CD80: variants seen among roughly 807,000 people sequenced by gnomAD.
CD80 encodes the protein CD80 molecule, also known as T-lymphocyte activation antigen CD80.
CD80 carries 13 observed loss-of-function variants against 27.1 expected under a neutral mutation model. The ratio of observed to expected loss-of-function variants is 0.48; its 90% CI spans 0.31 to 0.76. The LOEUF (loss-of-function observed/expected upper bound fraction) is 0.76, where lower values mean the gene tolerates loss of function less well. Among genes scored for constraint, CD80 ranks in the 30% least tolerant of loss-of-function variants. The probability of loss-of-function intolerance (pLI) is 0.04; values close to 1 mark genes in which losing one functional copy is unlikely to be tolerated. For synonymous variants in CD80, 125 were observed against 125.5 expected, an observed-to-expected ratio of 1.00 and a Z score of 0.03; for missense variants, 277 against 347.9, an observed-to-expected ratio of 0.80 and a Z score of 1.62.
In CD80 at chr3:119,542,085, A is replaced by G. The variant is rs978246219; in HGVS notation, c.418+2465T>C. The stretch of plus-strand genomic sequence containing the variant: ...CCCCACCCCCCACCCCAGGAAACAC[A>G]TTTTCATTTTAACAGGGATCTTTTA... On this transcript the variant is annotated intron_variant, in intron 3 of 6. Transcript: ENST00000264246. Among the ~76,000 whole-genome samples, 4 of 113,210 alleles carry G rather than the reference A, an allele frequency of 3.5e-5. No individual in the cohort carries two copies. In the Admixed American group the frequency reaches 4.9e-4, roughly 14 times the overall value. The allele number at this position is 113,210 out of a possible 152,430, so 74.3% of individuals were successfully genotyped here.
intron 2 of CD80, among the ~76,000 whole-genome samples, chr3:119,554,985 A>G (rs1362179429): frequency 6.6e-6 from 1 of 152,228 alleles, no homozygotes; most frequent in Non-Finnish European, 1.5e-5. Context: ...TTACACCTTT[A>G]CTACTGAAAC....
chr3:119,553,474 A>G (rs1355518089), intron 2 of CD80, among the ~76,000 whole-genome samples: 1 of 152,094 alleles, frequency 6.6e-6, no homozygotes, highest in African/African-American at 2.4e-5. Context: ...ATTTTATGTC[A>G]TTGCAAATAA....
chr3:119,553,564 G>A (rs966905458), intron 2 of CD80, among the ~76,000 whole-genome samples: 6 of 152,218 alleles, frequency 3.9e-5, no homozygotes, highest in African/African-American at 1.4e-4. Context: ...GAGGCCTGGA[G>A]GATGCAGTGG....
In CD80 at chr3:119,557,715, C is replaced by T. The variant is rs267599556; in HGVS notation, c.14G>A (p.Arg5Gln). The T allele has an allele frequency of 3.1e-5, 50 of 1,612,084 alleles. No individual in the cohort carries two copies. Among genetic ancestry groups the T allele is most frequent in the South Asian group, 9.9e-5 (9 of 90,732 alleles). MGHT[R>Q]RQGTSPSKCP... ...CTTGGATGGTGATGTTCCCTGCCTCCGTGTGTGGCCCATGGCTTCAGATGC... is the reference window on the plus strand; with the variant it reads ...CTTGGATGGTGATGTTCCCTGCCTCTGTGTGTGGCCCATGGCTTCAGATGC... The change falls in exon 2 of 7, where the codon CGG (arginine) becomes CAG (glutamine). Residue 5 changes from arginine to glutamine, a missense_variant. Coordinates refer to ENST00000264246, the MANE Select transcript of CD80 (RefSeq NM_005191.4).
intron 3 of CD80, among the ~76,000 whole-genome samples, chr3:119,542,488 A>T (rs1057449456): frequency 6.6e-6 from 1 of 152,178 alleles, no homozygotes; most frequent in Non-Finnish European, 1.5e-5. Flanking sequence ...GGGGAAAAAG[A>T]AATATGTTCA....
chr3:119,556,281 A>G (rs1340521495), intron 2 of CD80, among the ~76,000 whole-genome samples: 2 of 151,844 alleles, frequency 1.3e-5, no homozygotes, highest in Non-Finnish European at 2.9e-5. Context: ...TCCTTGTACA[A>G]TTTCTAAAGT....
chr3:119,555,303 A>G (rs1319067712), intron 2 of CD80, among the ~76,000 whole-genome samples: 1 of 152,174 alleles, frequency 6.6e-6, no homozygotes, highest in Non-Finnish European at 1.5e-5. Flanking sequence ...CACTCCTGGT[A>G]TTGCATATTC....
intron 2 of CD80, among the ~76,000 whole-genome samples, chr3:119,548,273 C>G (rs117351132): frequency 6.6e-6 from 1 of 152,098 alleles, no homozygotes; most frequent in African/African-American, 2.4e-5. Context: ...TGAGCCACCA[C>G]GCCTAGCATG....
chr3:119,545,893 T>C (rs1024960928), intron 2 of CD80, among the ~76,000 whole-genome samples: 4 of 152,206 alleles, frequency 2.6e-5, no homozygotes, highest in African/African-American at 7.2e-5. Context: ...TTTGGGGTCA[T>C]ATGGTAGTTC....
At chr3:119,550,734 C>T (rs2082226788) in intron 2 of CD80, among the ~76,000 whole-genome samples, 1 of 152,166 alleles carries the variant, frequency 6.6e-6, no homozygotes, top group African/African-American at 2.4e-5. Flanking sequence ...CATTGTAACA[C>T]CTACCCAACC....
At chr3:119,551,488 C>T (rs897595121) in intron 2 of CD80, among the ~76,000 whole-genome samples, 2 of 152,144 alleles carry the variant, frequency 1.3e-5, no homozygotes, top group African/African-American at 2.4e-5. Context: ...GTTTTGGCCT[C>T]CTTCCTACTC....
chr3:119,552,611 G>T (rs1204007254), intron 2 of CD80, among the ~76,000 whole-genome samples: 1 of 151,888 alleles, frequency 6.6e-6, no homozygotes, highest in African/African-American at 2.4e-5. Context: ...CAAGGCGGGT[G>T]GATTGCTTGA....
chr3:119,549,089 C>A (rs912502808), intron 2 of CD80, among the ~76,000 whole-genome samples: 3 of 151,984 alleles, frequency 2.0e-5, no homozygotes, highest in Admixed American at 6.6e-5. Context: ...TCTTTCCAGG[C>A]CTGATTGATC....
chr3:119,544,478 A>G (rs764321890), intron 3 of CD80, 72 bp downstream of exon 3: 1 of 1,358,216 alleles, frequency 7.4e-7, no homozygotes, highest in Non-Finnish European at 1.0e-6. Flanking sequence ...TTTCACCTAA[A>G]TCAATAGCCA....
chr3:119,534,914 G>A (rs1036846469), intron 4 of CD80, among the ~76,000 whole-genome samples: 6 of 152,084 alleles, frequency 3.9e-5, no homozygotes, highest in Admixed American at 6.6e-5. Context: ...TGCTGTAGCC[G>A]GGCATGGTGG....
At position 119,529,895 on chromosome 3, in the gene CD80, G is replaced by A; in HGVS notation, c.743C>T (p.Ala248Val). Residue 248 changes from alanine (A) to valine (V), a missense_variant, in exon 5 of 7, where the codon GCC becomes GTC. Transcript: ENST00000264246. ...HFPDNLLPSWAITLISVNGIF... is the reference protein window; with the variant it reads ...HFPDNLLPSWVITLISVNGIF... ...TCCATTTACTGAGATTAAGGTAATG[G>A]CCCAGGATGGGAGCAGGTTATCAGG... 1 of 1,613,844 alleles carries A rather than the reference G, an allele frequency of 6.2e-7. No individual in the cohort carries two copies. Among genetic ancestry groups the A allele is most frequent in the South Asian group, 1.1e-5 (1 of 91,072 alleles).
intron 4 of CD80, among the ~76,000 whole-genome samples, chr3:119,534,710 T>C (rs2082127467): frequency 1.3e-5 from 2 of 152,194 alleles, no homozygotes. Context: ...GGTTAAATAA[T>C]GCTATAACAA....
chr3:119,540,108 A>G (rs2082159110), intron 3 of CD80, among the ~76,000 whole-genome samples: 1 of 152,066 alleles, frequency 6.6e-6, no homozygotes, highest in South Asian at 2.1e-4. Context: ...GCCCACCACT[A>G]CCATCTAATT....
At chr3:119,530,069 A>T in intron 4 of CD80, 132 bp from the exon 5 acceptor site, 1 of 597,798 alleles carries the variant, frequency 1.7e-6, no homozygotes, top group East Asian at 3.0e-5. Context: ...AGCTGCTAGC[A>T]TTTTTCTTGC....
Sources: allele counts gnomAD v4.1 joint callset (sites outside exome capture counted in the v4.1 genomes callset), GRCh38; gene constraint gnomAD v4.1.1; transcripts MANE v1.5; gene names NCBI Gene and HGNC (gene_info 2026-07-23, HGNC 2026-07-21).